GXYLT1: variants seen among roughly 807,000 people sequenced by gnomAD.
The protein encoded by GXYLT1 is glycosyltransferase 8 domain containing 3.
GXYLT1 carries 29 observed loss-of-function variants against 54.0 expected under a neutral mutation model. The observed-to-expected ratio is 0.54, with a 90% CI of 0.40 to 0.73. The LOEUF is 0.73. GXYLT1 is among the 30% of genes least tolerant of loss of function. GXYLT1 has a pLI of 0.00. For synonymous variants in GXYLT1, 176 were observed against 204.1 expected (o/e 0.86, Z 1.17); for missense variants, 490 against 553.4 (o/e 0.89, Z 1.15).
chr12:42,111,546 C>T (rs1009366759), intron 3 of GXYLT1, among the ~76,000 whole-genome samples: 9 of 152,316 alleles, frequency 5.9e-5, no homozygotes, highest in African/African-American at 2.2e-4. Flanking sequence ...CACAGCAGTC[C>T]GAGATCAAAC....
intron 7 of GXYLT1, among the ~76,000 whole-genome samples, chr12:42,092,480 C>A (rs529826323): frequency 1.3e-5 from 2 of 152,218 alleles, no homozygotes; most frequent in African/African-American, 2.4e-5. Flanking sequence ...CCTTAACATT[C>A]ACAGAGATCT....
chr12:42,121,843 A>T (rs1053887272), intron 2 of GXYLT1, among the ~76,000 whole-genome samples: 30 of 152,002 alleles, frequency 2.0e-4, no homozygotes, highest in African/African-American at 9.7e-5. Flanking sequence ...GTACAGGCTC[A>T]ACTCCTAAAC....
chr12:42,142,991 T>C (rs2065660434), intron 1 of GXYLT1, among the ~76,000 whole-genome samples: 1 of 152,176 alleles, frequency 6.6e-6, no homozygotes, highest in Non-Finnish European at 1.5e-5. Flanking sequence ...AACGTTTCAG[T>C]AATGATTATA....
At position 42,082,897 on chromosome 12, in the gene GXYLT1, G is replaced by A. The variant is rs534514337; in HGVS notation, c.*4889C>T. 6.6e-6 allele frequency: 1 copy of A among 152,086 alleles called. No individual in the cohort carries two copies. The highest frequency in any genetic ancestry group is 2.1e-4 in the South Asian group (1 of 4,818). The allele number at this position is 152,086 out of a possible 1,614,324, so 9.4% of individuals were successfully genotyped here. A position where few individuals can be genotyped will look rare whatever the true frequency, so the allele number is the denominator to read the frequency against. On this transcript the variant is annotated 3_prime_UTR_variant, in exon 8 of 8. Transcript: ENST00000398675. ...AGATCCTGTATATAAACTAATCAAA[G>A]GCTCCATGTCAGTTCTTAAGTTTGA...
Position 42,086,636 on chromosome 12 carries a change from A to G in GXYLT1, c.*1150T>C, listed in dbSNP as rs1304249219. ...GAAGTAATTTCTCAAGATTTAAAAA[A>G]ATTAACTGTCTTAGGTGATATTCAA... On this transcript the variant is annotated 3_prime_UTR_variant, in exon 8 of 8. Coordinates refer to ENST00000398675, the MANE Select transcript of GXYLT1 (RefSeq NM_173601.2). 1 of 152,202 alleles carries G rather than the reference A, an allele frequency of 6.6e-6. No individual in the cohort carries two copies. Among genetic ancestry groups the G allele is most frequent in the African/African-American group, 2.4e-5 (1 of 41,464 alleles). The allele number at this position is 152,202 out of a possible 1,614,324, so 9.4% of individuals were successfully genotyped here.
intron 3 of GXYLT1, among the ~76,000 whole-genome samples, chr12:42,110,014 C>G (rs1303377407): frequency 1.3e-5 from 2 of 152,136 alleles, no homozygotes; most frequent in Non-Finnish European, 2.9e-5. Context: ...TTCTCTTAAT[C>G]CATTAACAAG....
intron 4 of GXYLT1, 138 bp downstream of exon 4, chr12:42,109,428 A>C: frequency 3.8e-6 from 2 of 523,702 alleles, no homozygotes; most frequent in Non-Finnish European, 6.0e-6. Context: ...AAAGGAAGAT[A>C]GTACATGCAT....
intron 1 of GXYLT1, among the ~76,000 whole-genome samples, chr12:42,139,721 A>G (rs909390053): frequency 1.3e-5 from 2 of 152,238 alleles, no homozygotes; most frequent in African/African-American, 2.4e-5. Context: ...TAACGTAGAT[A>G]CCACTATGAT....
chr12:42,141,637 T>C (rs971452902), intron 1 of GXYLT1, among the ~76,000 whole-genome samples: 1 of 152,210 alleles, frequency 6.6e-6, no homozygotes, highest in African/African-American at 2.4e-5. Context: ...TATCAAGTTC[T>C]ATGCCTTAAA....
At chr12:42,129,674 A>G in intron 2 of GXYLT1, 85 bp downstream of exon 2, 1 of 785,506 alleles carries the variant, frequency 1.3e-6, no homozygotes, top group South Asian at 1.7e-5. Context: ...CATAAGAAAC[A>G]TTCTTACATC....
intron 4 of GXYLT1, among the ~76,000 whole-genome samples, chr12:42,107,986 C>T (rs2065430925): frequency 6.6e-6 from 1 of 152,166 alleles, no homozygotes; most frequent in South Asian, 2.1e-4. Flanking sequence ...TAGTTCTTTT[C>T]ATGCATCTAT....
intron 1 of GXYLT1, among the ~76,000 whole-genome samples, chr12:42,130,343 A>T (rs1454183417): frequency 6.6e-6 from 1 of 152,200 alleles, no homozygotes; most frequent in African/African-American, 2.4e-5. Flanking sequence ...CTGAAAAATA[A>T]AACATAACAG....
intron 7 of GXYLT1, among the ~76,000 whole-genome samples, chr12:42,089,510 G>C (rs536983983): frequency 1.6e-4 from 25 of 152,226 alleles, no homozygotes; most frequent in Non-Finnish European, 3.4e-4. Context: ...ATATAAAAGA[G>C]TTGTATATGT....
intron 7 of GXYLT1, among the ~76,000 whole-genome samples, chr12:42,091,284 A>T (rs2065327407): frequency 6.6e-6 from 1 of 150,920 alleles, no homozygotes; most frequent in Non-Finnish European, 1.5e-5. Flanking sequence ...TTTTAAAAAT[A>T]AGATTTTTTT....
chr12:42,126,587 T>C (rs1014979741), intron 2 of GXYLT1, among the ~76,000 whole-genome samples: 7 of 152,162 alleles, frequency 4.6e-5, no homozygotes, highest in Admixed American at 4.6e-4. Flanking sequence ...AGTATTAAAA[T>C]TTTAAGCTCA....
In GXYLT1 at chr12:42,103,670, TG is replaced by T. The variant is rs746713906; in HGVS notation, c.864+2147del. Among the ~76,000 whole-genome samples the T allele has an allele frequency of 6.1e-4, 93 of 152,280 alleles. 1 individual carries two copies. The highest frequency in any genetic ancestry group is 6.8e-3 in the Middle Eastern group (2 of 294). On this transcript the variant is annotated intron_variant, in intron 5 of 7. Transcript: ENST00000398675. ...AAAATATTTGAAAACAAAGCAAATC[TG>T]AGTATGTTCCCAAGGAGCAAGAACA...
intron 1 of GXYLT1, among the ~76,000 whole-genome samples, chr12:42,139,292 T>A (rs1442451642): frequency 6.6e-6 from 1 of 151,968 alleles, no homozygotes; most frequent in Non-Finnish European, 1.5e-5. Context: ...AATATTTTAA[T>A]TAATTAATTA....
Position 42,144,431 on chromosome 12 carries a change from C to G in GXYLT1, c.216G>C (p.Ser72=). Residue 72 remains serine (S), a synonymous_variant, in exon 1 of 8, where the codon TCG becomes TCC. Transcript: ENST00000398675. ...VAGPAAHPGV[S]DRCKDFSLCY... is the part of the protein sequence containing the mutation. ...ACACCGGGAACTGCCCGTACCTGTC[C>G]GACACGCCGGGATGCGCTGCGGGGC... 1 of 1,335,068 alleles carries G rather than the reference C, an allele frequency of 7.5e-7. No individual in the cohort carries two copies. 82.7% of individuals were successfully genotyped at this position (1,335,068 alleles called of 1,614,324 possible).
intron 2 of GXYLT1, among the ~76,000 whole-genome samples, chr12:42,119,638 T>A (rs2065518734): frequency 6.6e-6 from 1 of 151,828 alleles, no homozygotes; most frequent in South Asian, 2.1e-4. Flanking sequence ...CGAGATCCCA[T>A]CCCTACAAAA....
Sources: gnomAD v4.1 joint callset for allele counts (sites outside exome capture counted in the v4.1 genomes callset) on GRCh38, gnomAD v4.1.1 for gene constraint, MANE v1.5 for transcripts, NCBI Gene and HGNC (gene_info 2026-07-23, HGNC 2026-07-21) for gene names.